Variants in NCKAP5 observed in about 807,000 individuals in gnomAD.
NCKAP5 encodes the protein NCK associated protein 5, also known as nck-associated protein 5.
In NCKAP5, 92 loss-of-function variants were observed where a neutral mutation model predicts 167.0. That is an observed-to-expected ratio of 0.55 (90% confidence interval 0.47 to 0.66). The LOEUF (loss-of-function observed/expected upper bound fraction) is 0.66. NCKAP5 is among the 30% of genes least tolerant of loss of function. NCKAP5 has a pLI of 0.00. For synonymous variants in NCKAP5, 891 were observed against 877.4 expected, an observed-to-expected ratio of 1.02 and a Z score of -0.27; for missense variants, 2,378 against 2,315.0, an observed-to-expected ratio of 1.03 and a Z score of -0.56.
rs1320854867 is a variant in NCKAP5, at chr2:133,476,413, T to G, written c.69+41045A>C. Among the ~76,000 whole-genome samples the G allele has an allele frequency of 2.0e-5, 3 of 152,232 alleles. No individual in the cohort carries two copies. In the East Asian group the frequency reaches 5.8e-4, roughly 29 times the overall value. On this transcript the variant is annotated intron_variant, in intron 3 of 19. Transcript: ENST00000409261. ...TTTTCATTAACCAAGGTTCATCAAT[T>G]CTAATCGGGCTGCCCTCGCATTGGA...
chr2:132,959,943 T>C (rs1299280289), intron 8 of NCKAP5, among the ~76,000 whole-genome samples: 1 of 152,208 alleles, frequency 6.6e-6, no homozygotes, highest in Non-Finnish European at 1.5e-5. Flanking sequence ...AGATTGTCCA[T>C]GTGTGCCCTA....
intron 19 of NCKAP5, among the ~76,000 whole-genome samples, chr2:132,706,981 TCCACCCATTG>T (rs1188520286): frequency 1.4e-4 from 22 of 152,196 alleles, no homozygotes; most frequent in African/African-American, 5.3e-4. Context: ...AATAGATGCC[TCCACCCATTG>T]TCCTCCCCGC....
At chr2:133,180,461 G>A (rs78445664) in intron 5 of NCKAP5, among the ~76,000 whole-genome samples, 16 of 151,948 alleles carry the variant, frequency 1.1e-4, no homozygotes, top group East Asian at 7.8e-4. Context: ...TGCAGTCTCC[G>A]TAGTAGCTGG....
intron 3 of NCKAP5, among the ~76,000 whole-genome samples, chr2:133,339,272 G>T (rs1683417417): frequency 6.6e-6 from 1 of 152,008 alleles, no homozygotes. Context: ...ATAATGAGAA[G>T]TTTATGGAAC....
chr2:133,174,001 C>T (rs2084354863), intron 5 of NCKAP5, among the ~76,000 whole-genome samples: 2 of 152,110 alleles, frequency 1.3e-5, no homozygotes, highest in Admixed American at 6.5e-5. Context: ...TGATTAAAAA[C>T]ACAAACCTGG....
chr2:133,035,535 A>T (rs2079014755), intron 6 of NCKAP5, among the ~76,000 whole-genome samples: 1 of 152,058 alleles, frequency 6.6e-6, no homozygotes, highest in Admixed American at 6.6e-5. Flanking sequence ...GAAAACACTC[A>T]AAAATTGAAA....
the NCKAP5 span, among the ~76,000 whole-genome samples, chr2:133,607,985 T>C: frequency 1.3e-5 from 2 of 152,250 alleles, no homozygotes; most frequent in Admixed American, 1.3e-4. Context: ...CACGTCCTGT[T>C]AGAAATTTCC....
chr2:133,490,114 A>G (rs952447484), intron 3 of NCKAP5, among the ~76,000 whole-genome samples: 12 of 152,176 alleles, frequency 7.9e-5, no homozygotes, highest in Middle Eastern at 3.2e-3. Flanking sequence ...TTCATTTTCA[A>G]CATAATTTCC....
chr2:132,750,915 C>G (rs1033198496), intron 16 of NCKAP5, among the ~76,000 whole-genome samples: 1 of 152,184 alleles, frequency 6.6e-6, no homozygotes, highest in Non-Finnish European at 1.5e-5. Flanking sequence ...GCAGGTCTCC[C>G]TGTGGGGTCC....
At chr2:133,380,665 G>T (rs1686456311) in intron 3 of NCKAP5, among the ~76,000 whole-genome samples, 1 of 152,112 alleles carries the variant, frequency 6.6e-6, no homozygotes, top group African/African-American at 2.4e-5. Flanking sequence ...TCAGACCTTT[G>T]CTATTCTATC....
intron 4 of NCKAP5, among the ~76,000 whole-genome samples, chr2:133,238,429 T>A (rs2087526064): frequency 6.6e-6 from 1 of 152,172 alleles, no homozygotes; most frequent in Non-Finnish European, 1.5e-5. Flanking sequence ...ATTCTCTCTA[T>A]GACTAACTAT....
At chr2:133,226,076 G>A (rs1241336455) in intron 4 of NCKAP5, among the ~76,000 whole-genome samples, 2 of 150,830 alleles carry the variant, frequency 1.3e-5, no homozygotes, top group African/African-American at 4.9e-5. Context: ...TTACAGCCGT[G>A]AGCCACGGTG....
At chr2:133,012,995 C>G (rs1406240991) in intron 6 of NCKAP5, among the ~76,000 whole-genome samples, 2 of 152,270 alleles carry the variant, frequency 1.3e-5, no homozygotes, top group South Asian at 4.1e-4. Context: ...GTACTGTCTG[C>G]CAGCCCTGGG....
At chr2:133,662,567 A>G in the NCKAP5 span, among the ~76,000 whole-genome samples, 1 of 148,584 alleles carries the variant, frequency 6.7e-6, no homozygotes, top group African/African-American at 2.5e-5. Flanking sequence ...CACCTAAGAG[A>G]GAGTATAAAG....
intron 3 of NCKAP5, among the ~76,000 whole-genome samples, chr2:133,418,446 G>C (rs1015686082): frequency 2.6e-5 from 4 of 152,196 alleles, no homozygotes; most frequent in African/African-American, 9.7e-5. Context: ...AGACTGTTCA[G>C]ACCTCAGGGC....
chr2:133,658,733 C>A, the NCKAP5 span, among the ~76,000 whole-genome samples: 1 of 152,164 alleles, frequency 6.6e-6, no homozygotes, highest in Non-Finnish European at 1.5e-5. Context: ...CAGAGATAAT[C>A]CCTGTGCTTC....
At chr2:133,221,990 A>T (rs1455831409) in intron 4 of NCKAP5, among the ~76,000 whole-genome samples, 1 of 152,234 alleles carries the variant, frequency 6.6e-6, no homozygotes, top group Admixed American at 6.5e-5. Context: ...GCATTTAAAA[A>T]GATAACCATA....
intron 5 of NCKAP5, among the ~76,000 whole-genome samples, chr2:133,200,681 CAGAAT>C (rs1478875997): frequency 1.3e-5 from 2 of 152,154 alleles, no homozygotes; most frequent in Non-Finnish European, 2.9e-5. Context: ...AGAATGCCTA[CAGAAT>C]AGGAGAACAT....
At chr2:132,925,561 CAAAAAAAAAAAA>C (rs575777951) in intron 8 of NCKAP5, among the ~76,000 whole-genome samples, 1 of 53,610 alleles carries the variant, frequency 1.9e-5, no homozygotes, top group Non-Finnish European at 4.3e-5. Flanking sequence ...GACTCCGTCT[CAAAAAAAAAAAA>C]AAAAAAAAAA....
Sources: allele counts gnomAD v4.1 joint callset (sites outside exome capture counted in the v4.1 genomes callset), GRCh38; gene constraint gnomAD v4.1.1; transcripts MANE v1.5; gene names NCBI Gene and HGNC (gene_info 2026-07-23, HGNC 2026-07-21).